The following NTNG1 variants were observed in gnomAD, a reference collection of about 807,000 sequenced individuals.
The protein encoded by NTNG1 is netrin-G1.
In NTNG1, 16 loss-of-function variants were observed where a neutral mutation model predicts 54.0. That is an observed-to-expected ratio of 0.30 (90% CI 0.20 to 0.45). The LOEUF is 0.45. NTNG1 is among the 20% of genes least tolerant of loss of function. The pLI is 1.00. For synonymous variants in NTNG1, 255 were observed against 263.1 expected (o/e 0.97, Z 0.30); for missense variants, 530 against 678.7 (o/e 0.78, Z 2.43).
At chr1:107,461,349 G>A (rs565663943) in intron 7 of NTNG1, among the ~76,000 whole-genome samples, 1 of 152,116 alleles carries the variant, frequency 6.6e-6, no homozygotes, top group African/African-American at 2.4e-5. Flanking sequence ...CCAGGCGGAG[G>A]AGACAATTCC....
At chr1:107,201,780 A>T (rs1178476705) in intron 2 of NTNG1, among the ~76,000 whole-genome samples, 1 of 151,886 alleles carries the variant, frequency 6.6e-6, no homozygotes, top group Non-Finnish European at 1.5e-5. Flanking sequence ...TCACACACAG[A>T]TATTTCTTCA....
At chr1:107,418,939 C>T (rs1411670892) in intron 5 of NTNG1, among the ~76,000 whole-genome samples, 1 of 151,970 alleles carries the variant, frequency 6.6e-6, no homozygotes. Flanking sequence ...GGAGGACAAA[C>T]AAGACTTAAA....
intron 2 of NTNG1, among the ~76,000 whole-genome samples, chr1:107,170,564 C>A (rs995680738): frequency 6.6e-6 from 1 of 152,104 alleles, no homozygotes; most frequent in Middle Eastern, 3.4e-3. Flanking sequence ...GATTTAGCAT[C>A]ATTAGTATTA....
intron 2 of NTNG1, among the ~76,000 whole-genome samples, chr1:107,203,024 C>G (rs1336505045): frequency 1.3e-5 from 2 of 151,878 alleles, no homozygotes; most frequent in Non-Finnish European, 2.9e-5. Flanking sequence ...TATATCCACA[C>G]TTTTTAAATG....
intron 2 of NTNG1, among the ~76,000 whole-genome samples, chr1:107,158,343 G>A (rs1313578156): frequency 6.6e-6 from 1 of 152,082 alleles, no homozygotes; most frequent in African/African-American, 2.4e-5. Flanking sequence ...TTTTCACCTT[G>A]CTAGGAATAG....
At chr1:107,280,156 C>T (rs1234806741) in intron 2 of NTNG1, among the ~76,000 whole-genome samples, 1 of 17,524 alleles carries the variant, frequency 5.7e-5, no homozygotes, top group African/African-American at 1.6e-4. Context: ...TCGGTGCTAA[C>T]CTTTTTTTTT....
chr1:107,480,583 C>CCCCCCCCAACAAA, intron 7 of NTNG1, 28 bp from the exon 8 acceptor site: 2 of 744,750 alleles, frequency 2.7e-6, no homozygotes, highest in Non-Finnish European at 4.5e-6. Flanking sequence ...CGCGCCCACC[C>CCCCCCCCAACAAA]ACCCCTACCT....
intron 3 of NTNG1, among the ~76,000 whole-genome samples, chr1:107,355,342 TC>T (rs1209742032): frequency 6.6e-6 from 1 of 152,052 alleles, no homozygotes; most frequent in Admixed American, 6.5e-5. Context: ...GCAGTAGTTT[TC>T]TGCTAGCTTT....
intron 5 of NTNG1, among the ~76,000 whole-genome samples, chr1:107,415,569 G>A (rs755573952): frequency 2.6e-5 from 4 of 152,058 alleles, no homozygotes; most frequent in South Asian, 2.1e-4. Context: ...GGGATCAGAC[G>A]TGTCATCTTC....
intron 3 of NTNG1, among the ~76,000 whole-genome samples, chr1:107,385,633 G>A (rs1254083269): frequency 6.6e-6 from 1 of 151,590 alleles, no homozygotes; most frequent in Non-Finnish European, 1.5e-5. Context: ...ACCAGTCTTG[G>A]CCTCATTGTG....
chr1:107,159,497 T>C (rs1224920512), intron 2 of NTNG1, among the ~76,000 whole-genome samples: 1 of 152,142 alleles, frequency 6.6e-6, no homozygotes, highest in Non-Finnish European at 1.5e-5. Flanking sequence ...GTGTTGGTTC[T>C]TATAATCCTC....
chr1:107,291,017 G>A (rs1665570425), intron 2 of NTNG1, among the ~76,000 whole-genome samples: 2 of 142,582 alleles, frequency 1.4e-5, no homozygotes, highest in African/African-American at 5.4e-5. Flanking sequence ...GCATATATAT[G>A]CATAGATAAA....
intron 2 of NTNG1, among the ~76,000 whole-genome samples, chr1:107,156,930 C>T (rs183336290): frequency 1.3e-5 from 2 of 152,246 alleles, no homozygotes; most frequent in Admixed American, 6.5e-5. Flanking sequence ...GTAAATTACA[C>T]CTTGTAAACT....
chr1:107,191,957 C>A (rs1018428955), intron 2 of NTNG1, among the ~76,000 whole-genome samples: 8 of 152,188 alleles, frequency 5.3e-5, no homozygotes, highest in Admixed American at 3.3e-4. Flanking sequence ...TTCTCCAATT[C>A]TGTGAAGACA....
chr1:107,463,056 C>T (rs918254924), intron 7 of NTNG1, among the ~76,000 whole-genome samples: 29 of 152,210 alleles, frequency 1.9e-4, no homozygotes, highest in African/African-American at 7.0e-4. Flanking sequence ...ATCAAACAAA[C>T]CAGGAAAGTA....
At chr1:107,327,438 T>C (rs184080983) in intron 3 of NTNG1, among the ~76,000 whole-genome samples, 20 of 152,270 alleles carry the variant, frequency 1.3e-4, no homozygotes, top group Admixed American at 2.6e-4. Context: ...CTTGAAAGTT[T>C]CAGTAAGATT....
chr1:107,145,331 A>G (rs1371565181), intron 1 of NTNG1, among the ~76,000 whole-genome samples: 3 of 152,094 alleles, frequency 2.0e-5, no homozygotes, highest in African/African-American at 7.2e-5. Context: ...GTGTCATGGA[A>G]GTTCATAGAT....
In NTNG1 at chr1:107,395,207, C is replaced by T. The variant is rs1672605818; in HGVS notation, c.941C>T (p.Thr314Ile). The T allele has an allele frequency of 6.2e-7, 1 of 1,613,448 alleles. No individual in the cohort carries two copies. Reference sequence around the variant, plus strand: ...TGTGTGTATGACAACAGCAAATTGACATGCGAATGTGAGCACAACACTACA... The same window carrying T: ...TGTGTGTATGACAACAGCAAATTGATATGCGAATGTGAGCACAACACTACA... ...TVCVYDNSKL[T>I]CECEHNTTGP... Residue 314 changes from threonine (T) to isoleucine (I), a missense_variant, in exon 4 of 8, where the codon ACA (threonine) becomes ATA (isoleucine). Thr to Ile is a moderately conservative substitution (Grantham distance 89). Coordinates refer to ENST00000370068, the MANE Select transcript of NTNG1 (RefSeq NM_001113226.3).
At chr1:107,374,909 A>G (rs1203397584) in intron 3 of NTNG1, among the ~76,000 whole-genome samples, 1 of 152,010 alleles carries the variant, frequency 6.6e-6, no homozygotes, top group Non-Finnish European at 1.5e-5. Flanking sequence ...TGACTCGTTC[A>G]CAGTAGTCTA....
Sources: allele counts gnomAD v4.1 joint callset (sites outside exome capture counted in the v4.1 genomes callset), GRCh38; gene constraint gnomAD v4.1.1; transcripts MANE v1.5; gene names NCBI Gene and HGNC (gene_info 2026-07-23, HGNC 2026-07-21).